Variants in MPP3 observed in about 807,000 individuals in gnomAD.
MPP3 encodes MAGUK p55 subfamily member 3.
A neutral mutation model predicts 80.7 loss-of-function variants in MPP3; 48 were observed. That is an observed-to-expected ratio of 0.59 (90% CI 0.47 to 0.76). The LOEUF is 0.76. Ranked by LOEUF, MPP3 falls within the 30% of genes least tolerant of loss-of-function variation. The probability of loss-of-function intolerance (pLI) is 0.00; values close to 1 mark genes in which losing one functional copy is unlikely to be tolerated. For synonymous variants in MPP3, 311 were observed against 297.6 expected (o/e 1.04, Z -0.46); for missense variants, 620 against 763.0 (o/e 0.81, Z 2.21).
chr17:43,829,537 A>T (rs182076394), intron 7 of MPP3, 117 bp downstream of exon 7: 7 of 1,223,804 alleles, frequency 5.7e-6, no homozygotes, highest in Non-Finnish European at 8.0e-6. Flanking sequence ...GCAGCAGCGC[A>T]GGCAAAGCTG....
intron 9 of MPP3, among the ~76,000 whole-genome samples, chr17:43,824,762 C>T (rs988464976): frequency 1.3e-5 from 2 of 152,122 alleles, no homozygotes; most frequent in African/African-American, 4.8e-5. Flanking sequence ...ACAGAGAGGG[C>T]TTTATTTTGT....
At chr17:43,825,992 GC>G in intron 8 of MPP3, 151 bp from the exon 9 acceptor site, 1 of 610,150 alleles carries the variant, frequency 1.6e-6, no homozygotes, top group Non-Finnish European at 3.0e-6. Flanking sequence ...GGCGAACTAA[GC>G]CCTGCTAAGT....
At chr17:43,816,423 A>G (rs2045135138) in intron 13 of MPP3, among the ~76,000 whole-genome samples, 1 of 152,152 alleles carries the variant, frequency 6.6e-6, no homozygotes, top group South Asian at 2.1e-4. Context: ...ATCACAGCGT[A>G]GCCGAGTCCT....
intron 13 of MPP3, among the ~76,000 whole-genome samples, 157 bp from the exon 14 acceptor site, chr17:43,816,236 G>A (rs1417274455): frequency 6.6e-6 from 1 of 152,206 alleles, no homozygotes; most frequent in African/African-American, 2.4e-5. Context: ...CCCCAAGAAA[G>A]CAAGGTCCTC....
In MPP3 at chr17:43,831,871, G is replaced by T. The variant is rs771297904; in HGVS notation, c.25+11C>A. The T allele has an allele frequency of 1.6e-5, 25 of 1,603,270 alleles. No individual in the cohort carries two copies. The East Asian group carries it at 5.1e-4, about 33-fold the overall frequency. On this transcript the variant is annotated intron_variant, in intron 3 of 19. Transcript: ENST00000398389. The stretch of plus-strand genomic sequence containing the variant: ...GGACTGTGGCAGGTCCAGCCGGGGG[G>T]AGGTACTTACCAGAGTCCTCCGATA...
chr17:43,818,235 T>G, intron 11 of MPP3, 125 bp from the exon 12 acceptor site: 2 of 713,000 alleles, frequency 2.8e-6, no homozygotes, highest in Non-Finnish European at 4.2e-6. Context: ...CTGGACACTC[T>G]GAGGGCCTCC....
At chr17:43,829,982 C>T in intron 6 of MPP3, 45 bp downstream of exon 6, 2 of 1,596,134 alleles carry the variant, frequency 1.3e-6, no homozygotes, top group Non-Finnish European at 1.7e-6. Flanking sequence ...GCCCCCATCC[C>T]AGGAGACCCA....
Position 43,801,836 on chromosome 17 carries a change from T to C in MPP3, c.1623A>G (p.Ile541Met), listed in dbSNP as rs748220014. Residue 541 changes from isoleucine to methionine, a missense_variant, in exon 20 of 20, where the codon ATA (isoleucine) becomes ATG (methionine). Physicochemically the swap from Ile to Met is conservative, Grantham distance 10. Transcript: ENST00000398389. The part of the protein sequence containing the change: ...QQEMAASAAF[I>M]DRHYGHLVDA... ...CTACCAGGTGCCCGTAATGCCGGTCTATGAAGGCGGCAGAAGCGGCCATCT... is the reference window on the plus strand; with the variant it reads ...CTACCAGGTGCCCGTAATGCCGGTCCATGAAGGCGGCAGAAGCGGCCATCT... 1.9e-6 allele frequency: 3 copies of C among 1,613,802 alleles called. No homozygotes were observed. The highest frequency in any genetic ancestry group is 2.2e-5 in the East Asian group (1 of 44,888).
chr17:43,824,080 C>T, intron 9 of MPP3, 75 bp from the exon 10 acceptor site: 2 of 1,050,808 alleles, frequency 1.9e-6, no homozygotes, highest in Non-Finnish European at 1.4e-6. Context: ...ACTTCTCAGG[C>T]CTAAAAACTG....
intron 2 of MPP3, 33 bp from the exon 3 acceptor site, chr17:43,831,976 C>T (rs762170054): frequency 2.5e-5 from 34 of 1,374,234 alleles, no homozygotes; most frequent in Non-Finnish European, 3.5e-5. Flanking sequence ...GGTATTGAAG[C>T]TCCATCAAGC....
intron 9 of MPP3, among the ~76,000 whole-genome samples, chr17:43,824,234 G>A (rs536732636): frequency 6.6e-6 from 1 of 152,276 alleles, no homozygotes; most frequent in South Asian, 2.1e-4. Context: ...TTTTAAGCCA[G>A]TTCAAATTTA....
intron 3 of MPP3, 92 bp downstream of exon 3, chr17:43,831,790 C>A: frequency 6.9e-7 from 1 of 1,448,092 alleles, no homozygotes; most frequent in South Asian, 1.3e-5. Context: ...AGGACATTCT[C>A]TCCCCAGGCT....
At chr17:43,828,153 AC>A (rs199798782) in intron 7 of MPP3, among the ~76,000 whole-genome samples, 3,670 of 151,768 alleles carry the variant, frequency 0.024, 119 homozygotes, top group African/African-American at 0.072. Flanking sequence ...GTTCTCCATC[AC>A]ATCTCTCTCA....
chr17:43,826,645 C>A (rs2045708394), intron 8 of MPP3, among the ~76,000 whole-genome samples: 1 of 152,064 alleles, frequency 6.6e-6, no homozygotes, highest in Non-Finnish European at 1.5e-5. Flanking sequence ...GGCACAAACA[C>A]TCTCTTTGTA....
Position 43,827,648 on chromosome 17 carries a change from G to A in MPP3, c.523+103C>T, listed in dbSNP as rs943800950. 4.8e-6 allele frequency: 5 copies of A among 1,050,136 alleles called. No individual in the cohort carries two copies. In the African/African-American group the frequency reaches 7.8e-5, roughly 16 times the overall value. The allele number at this position is 1,050,136 out of a possible 1,614,324, so 65.1% of individuals were successfully genotyped here. ...AAAGCAAAGCAAATCCCAAACAGGTGACCTGATAGGAGGGAGGTAAGGGGA... is the reference window on the plus strand; with the variant it reads ...AAAGCAAAGCAAATCCCAAACAGGTAACCTGATAGGAGGGAGGTAAGGGGA... On this transcript the variant is annotated intron_variant, in intron 8 of 19. Coordinates refer to ENST00000398389, the MANE Select transcript of MPP3 (RefSeq NM_001932.6).
chr17:43,811,576 G>GTT, intron 16 of MPP3: 3 of 168,276 alleles, frequency 1.8e-5, no homozygotes, highest in South Asian at 1.8e-4. Flanking sequence ...CTGATGCTGT[G>GTT]TTTTTTTTTT....
intron 5 of MPP3, among the ~76,000 whole-genome samples, chr17:43,830,861 G>A (rs186651317): frequency 1.1e-4 from 16 of 152,318 alleles, no homozygotes. Flanking sequence ...ACACACTGTA[G>A]GTCCCTTGAC....
chr17:43,819,795 TA>T (rs796998641), intron 11 of MPP3, among the ~76,000 whole-genome samples: 483 of 139,542 alleles, frequency 3.5e-3, no homozygotes, highest in Non-Finnish European at 4.3e-3. Context: ...CAAAAATGTT[TA>T]AAAAAAAAAA....
chr17:43,831,123 A>T (rs1002244041), intron 5 of MPP3, 121 bp downstream of exon 5: 3 of 881,104 alleles, frequency 3.4e-6, no homozygotes, highest in African/African-American at 3.4e-5. Context: ...GGAAGAAAAC[A>T]CCTCTTCACC....
Sources: gnomAD v4.1 joint callset for allele counts (sites outside exome capture counted in the v4.1 genomes callset) on GRCh38, gnomAD v4.1.1 for gene constraint, MANE v1.5 for transcripts, NCBI Gene and HGNC (gene_info 2026-07-23, HGNC 2026-07-21) for gene names.